The following WWOX variants were observed in gnomAD, a reference collection of about 807,000 sequenced individuals.
WWOX encodes the protein WW domain-containing oxidoreductase.
WWOX carries 69 observed loss-of-function variants against 46.2 expected under a neutral mutation model. That is an observed-to-expected ratio of 1.49 (90% CI 1.23 to 1.82). The LOEUF is 1.82. Among genes scored for constraint, WWOX ranks in the 40% most tolerant of loss-of-function variants. WWOX has a pLI of 0.00. For missense variants in WWOX, 919 were observed against 542.6 expected (o/e 1.69, Z -6.89); for synonymous variants, 359 against 202.6 (o/e 1.77, Z -6.56).
intron 8 of WWOX, among the ~76,000 whole-genome samples, chr16:78,970,651 C>A (rs564446874): frequency 2.6e-5 from 4 of 152,146 alleles, no homozygotes; most frequent in Non-Finnish European, 5.9e-5. Context: ...ATGCCAGAAT[C>A]ATGAGAAATT....
intron 5 of WWOX, among the ~76,000 whole-genome samples, chr16:78,297,698 T>C (rs2079964658): frequency 6.6e-6 from 1 of 152,148 alleles, no homozygotes; most frequent in Non-Finnish European, 1.5e-5. Flanking sequence ...CATTATTTTG[T>C]AATCTACGAA....
chr16:78,889,263 G>A (rs2044535489), intron 8 of WWOX, among the ~76,000 whole-genome samples: 1 of 151,948 alleles, frequency 6.6e-6, no homozygotes, highest in Non-Finnish European at 1.5e-5. Flanking sequence ...TTTATATATT[G>A]TTCATATCTA....
chr16:78,652,235 C>A (rs574996649), intron 8 of WWOX, among the ~76,000 whole-genome samples: 65 of 140,660 alleles, frequency 4.6e-4, no homozygotes, highest in African/African-American at 1.6e-3. Context: ...TATGGTGAAA[C>A]CTGTCACTAC....
At chr16:78,440,302 C>G (rs2083415952) in intron 8 of WWOX, among the ~76,000 whole-genome samples, 1 of 152,184 alleles carries the variant, frequency 6.6e-6, no homozygotes, top group Non-Finnish European at 1.5e-5. Flanking sequence ...CCTCAAGCCA[C>G]TTCTGGCTCC....
At chr16:78,938,588 G>A (rs755239445) in intron 8 of WWOX, among the ~76,000 whole-genome samples, 5 of 152,120 alleles carry the variant, frequency 3.3e-5, no homozygotes, top group Admixed American at 2.6e-4. Flanking sequence ...ATTAAGAGTC[G>A]TCTCTGGGCA....
chr16:78,252,135 GA>G (rs2038000336), intron 5 of WWOX, among the ~76,000 whole-genome samples: 1 of 152,162 alleles, frequency 6.6e-6, no homozygotes, highest in African/African-American at 2.4e-5. Flanking sequence ...GCCCTTTGGG[GA>G]AAGAGGGGCA....
chr16:78,592,614 T>C (rs561092514), intron 8 of WWOX, among the ~76,000 whole-genome samples: 2 of 152,292 alleles, frequency 1.3e-5, no homozygotes, highest in South Asian at 4.1e-4. Flanking sequence ...GAGCCAGAGC[T>C]GGAAGACAAG....
chr16:79,080,149 A>G (rs1221613599), intron 8 of WWOX, among the ~76,000 whole-genome samples: 1 of 152,120 alleles, frequency 6.6e-6, no homozygotes, highest in Admixed American at 6.5e-5. Context: ...GCCAAGGAGG[A>G]AGAGTGGGTG....
intron 8 of WWOX, among the ~76,000 whole-genome samples, chr16:78,751,007 C>T (rs1004518383): frequency 2.0e-5 from 3 of 152,018 alleles, no homozygotes; most frequent in African/African-American, 4.8e-5. Context: ...AATGTATACC[C>T]ACTAATAAGA....
intron 8 of WWOX, among the ~76,000 whole-genome samples, chr16:79,119,199 A>G (rs867430905): frequency 2.0e-5 from 3 of 152,298 alleles, no homozygotes; most frequent in African/African-American, 4.8e-5. Context: ...TTAAAAAAAA[A>G]AAAATCATTA....
intron 8 of WWOX, among the ~76,000 whole-genome samples, chr16:78,798,108 G>T (rs1215481956): frequency 1.3e-5 from 2 of 152,182 alleles, no homozygotes; most frequent in African/African-American, 4.8e-5. Context: ...GGGGTAGCTT[G>T]CTCATGTTAT....
At position 78,236,214 on chromosome 16, in the gene WWOX, G is replaced by A. The variant is rs540858788; in HGVS notation, c.516+71925G>A. 2.8e-3 allele frequency among the ~76,000 whole-genome samples: 429 copies of A among 152,258 alleles called. 2 individuals are homozygous for A. The highest frequency in any genetic ancestry group is 9.4e-3 in the African/African-American group (389 of 41,566). ...GGCAAGGTAATTAAAATGTTAATAC[G>A]TTAGTTTTCTCACTGTCAATGTGTT... On this transcript the variant is annotated intron_variant, in intron 5 of 8. Coordinates refer to ENST00000566780, the MANE Select transcript of WWOX (RefSeq NM_016373.4).
chr16:78,775,609 A>G (rs1033212063), intron 8 of WWOX, among the ~76,000 whole-genome samples: 1 of 152,168 alleles, frequency 6.6e-6, no homozygotes, highest in African/African-American at 2.4e-5. Flanking sequence ...CTCTCCCCAC[A>G]ACTTCACCCT....
chr16:79,082,402 A>G (rs2048776994), intron 8 of WWOX, among the ~76,000 whole-genome samples: 1 of 152,114 alleles, frequency 6.6e-6, no homozygotes, highest in Non-Finnish European at 1.5e-5. Flanking sequence ...TGAGAGTTAC[A>G]TCAGGGGAGG....
Position 78,805,865 on chromosome 16 carries a change from G to C in WWOX, c.1056+373113G>C, listed in dbSNP as rs575157319. On this transcript the variant is annotated intron_variant, in intron 8 of 8. Coordinates refer to ENST00000566780, the MANE Select transcript of WWOX (RefSeq NM_016373.4). The stretch of plus-strand genomic sequence containing the variant: ...ATCTGCGAATATAGAAAGATTAAGA[G>C]TTTTTTTCTGCCTTGTTGGGTCTTC... 3.3e-5 allele frequency among the ~76,000 whole-genome samples: 5 copies of C among 152,286 alleles called. No individual in the cohort carries two copies. The East Asian group carries it at 7.7e-4, about 24-fold the overall frequency.
intron 8 of WWOX, among the ~76,000 whole-genome samples, chr16:79,180,293 C>T (rs965025838): frequency 1.3e-5 from 2 of 152,174 alleles, no homozygotes; most frequent in Admixed American, 1.3e-4. Flanking sequence ...CTTAAGTGTG[C>T]ACAAGGTGGA....
chr16:78,797,674 C>T (rs201300450), intron 8 of WWOX, among the ~76,000 whole-genome samples: 1 of 152,182 alleles, frequency 6.6e-6, no homozygotes, highest in African/African-American at 2.4e-5. Flanking sequence ...AAACAATATC[C>T]CAGAAAAATC....
chr16:78,702,109 T>C (rs2048235868), intron 8 of WWOX, among the ~76,000 whole-genome samples: 2 of 131,280 alleles, frequency 1.5e-5, no homozygotes, highest in South Asian at 2.3e-4. Flanking sequence ...GTTATATATA[T>C]ATATATATAT....
rs201958479 is a variant in WWOX at position 78,154,961 on chromosome 16, CG to C, written c.410-9219del. ...GGCCTGGCGGGTAATGCCAGCAGCA[CG>C]GGTGATGATCATGGTCAACATGACC... On this transcript the variant is annotated intron_variant, in intron 4 of 8. Transcript: ENST00000566780. 4.3e-3 allele frequency among the ~76,000 whole-genome samples: 647 copies of C among 152,176 alleles called. 20 individuals are homozygous for C. The highest frequency in any genetic ancestry group is 0.039 in the Admixed American group (594 of 15,272).
Sources: gnomAD v4.1 joint callset for allele counts (sites outside exome capture counted in the v4.1 genomes callset) on GRCh38, gnomAD v4.1.1 for gene constraint, MANE v1.5 for transcripts, NCBI Gene and HGNC (gene_info 2026-07-23, HGNC 2026-07-21) for gene names.